Variants in CFAP58 observed in about 807,000 individuals in gnomAD.
CFAP58 encodes cilia- and flagella-associated protein 58.
CFAP58 carries 88 observed loss-of-function variants against 119.5 expected under a neutral mutation model. The ratio of observed to expected loss-of-function variants is 0.74; its 90% CI spans 0.62 to 0.88. The LOEUF is 0.88. CFAP58 is among the 40% of genes least tolerant of loss of function. CFAP58 has a pLI of 0.00. For missense variants in CFAP58, 990 were observed against 1,021.2 expected (o/e 0.97, Z 0.42); for synonymous variants, 365 against 366.3 (o/e 1.00, Z 0.04).
Position 104,364,827 on chromosome 10 carries a change from A to G in CFAP58, c.535A>G (p.Thr179Ala), listed in dbSNP as rs938623383. Reference protein sequence around the residue: ...VVKLRESLAQTTEQQQETERS... With the variant: ...VVKLRESLAQATEQQQETERS... ...AAAATTACGAGAATCCCTAGCTCAG[A>G]CCACTGAACAGCAGCAGGAAACAGA... is the stretch of plus-strand genomic sequence containing the variant. Residue 179 changes from threonine (T) to alanine (A), a missense_variant, in exon 4 of 18, where the codon ACC becomes GCC. By Grantham distance (58) the Thr-to-Ala change is moderately conservative. Transcript: ENST00000369704. 1.2e-6 allele frequency: 2 copies of G among 1,612,638 alleles called. No homozygotes were observed. The highest frequency in any genetic ancestry group is 2.7e-5 in the African/African-American group (2 of 74,746).
At chr10:104,418,676 A>G (rs2012593919) in intron 15 of CFAP58, among the ~76,000 whole-genome samples, 1 of 152,100 alleles carries the variant, frequency 6.6e-6, no homozygotes, top group Non-Finnish European at 1.5e-5. Context: ...TTGTTCCCCC[A>G]CTTCAGATAC....
intron 15 of CFAP58, among the ~76,000 whole-genome samples, chr10:104,440,830 A>C (rs936081449): frequency 6.6e-6 from 1 of 152,144 alleles, no homozygotes; most frequent in Admixed American, 6.5e-5. Flanking sequence ...ATGCATCTGA[A>C]ATATTTCCCT....
intron 15 of CFAP58, among the ~76,000 whole-genome samples, chr10:104,414,975 C>A (rs1187367656): frequency 2.0e-5 from 3 of 152,210 alleles, no homozygotes; most frequent in Non-Finnish European, 4.4e-5. Flanking sequence ...CGTGAATGGG[C>A]AGCAGGAATA....
chr10:104,417,550 G>A (rs2012573649), intron 15 of CFAP58, among the ~76,000 whole-genome samples: 2 of 152,290 alleles, frequency 1.3e-5, no homozygotes, highest in South Asian at 2.1e-4. Context: ...ATTGACATTC[G>A]TATGAAAGTC....
Position 104,451,849 on chromosome 10 carries a change from C to T in CFAP58, c.2510+1645C>T, listed in dbSNP as rs60722053. Among the ~76,000 whole-genome samples the T allele has an allele frequency of 8.8e-3, 1,344 of 152,210 alleles. 25 individuals carry two copies. The highest frequency in any genetic ancestry group is 0.031 in the African/African-American group (1,284 of 41,526). On this transcript the variant is annotated intron_variant, in intron 17 of 17. Coordinates refer to ENST00000369704, the MANE Select transcript of CFAP58 (RefSeq NM_001008723.2). ...GTTGAAGCCATTCTCATGTCTCAGC[C>T]TCCCAAATAGCTGGGATGACAAGCA... is the stretch of plus-strand genomic sequence containing the variant.
Position 104,403,821 on chromosome 10 carries a change from A to C in CFAP58, c.2132A>C (p.His711Pro), listed in dbSNP as rs745913222. The change falls in exon 14 of 18, where the codon CAC becomes CCC. Residue 711 changes from histidine (H) to proline (P), a missense_variant. His to Pro is a moderately conservative substitution (Grantham distance 77, BLOSUM62 -2). Transcript: ENST00000369704. ...GAGCTGGAGAATCCCCTGAATGTGC[A>C]CAGATGGAGGAAGCTCGAGGTAACA... Reference protein sequence around the residue: ...EEELENPLNVHRWRKLEASDP... With the variant: ...EEELENPLNVPRWRKLEASDP... 4.3e-6 allele frequency: 7 copies of C among 1,610,668 alleles called. No individual in the cohort carries two copies. The highest frequency in any genetic ancestry group is 5.9e-6 in the Non-Finnish European group (7 of 1,178,136).
chr10:104,362,408 G>A (rs1260037703), intron 3 of CFAP58, among the ~76,000 whole-genome samples: 1 of 152,182 alleles, frequency 6.6e-6, no homozygotes, highest in East Asian at 1.9e-4. Flanking sequence ...GGAATCAGTA[G>A]TATAGTTTCA....
intron 9 of CFAP58, chr10:104,382,225 C>T (rs1420241887): frequency 5.6e-6 from 4 of 716,954 alleles, no homozygotes; most frequent in Non-Finnish European, 1.0e-5. Context: ...GGGAAGGGCA[C>T]AGATCCTACC....
intron 15 of CFAP58, among the ~76,000 whole-genome samples, chr10:104,430,075 A>G (rs1589933387): frequency 6.6e-6 from 1 of 152,316 alleles, no homozygotes; most frequent in East Asian, 1.9e-4. Context: ...TTTTGAAGTC[A>G]AGAATGTGAG....
chr10:104,345,519 G>A, the CFAP58 span, among the ~76,000 whole-genome samples: 1 of 152,046 alleles, frequency 6.6e-6, no homozygotes. Context: ...TAAGTTAATT[G>A]TATCTTGCAT....
intron 15 of CFAP58, among the ~76,000 whole-genome samples, chr10:104,436,027 C>G (rs1179006825): frequency 6.6e-6 from 1 of 152,144 alleles, no homozygotes; most frequent in Non-Finnish European, 1.5e-5. Context: ...AGTCACTGAT[C>G]ATGTAATTCC....
At chr10:104,358,171 G>C (rs2014619504) in intron 1 of CFAP58, among the ~76,000 whole-genome samples, 170 bp from the exon 2 acceptor site, 1 of 143,172 alleles carries the variant, frequency 7.0e-6, no homozygotes, top group Admixed American at 7.2e-5. Flanking sequence ...ATAAGCATCA[G>C]GGTCTGAACA....
At chr10:104,359,568 C>A (rs1325028903) in intron 2 of CFAP58, among the ~76,000 whole-genome samples, 1 of 152,068 alleles carries the variant, frequency 6.6e-6, no homozygotes, top group Non-Finnish European at 1.5e-5. Context: ...TCTGGGAGGC[C>A]GAGGTGGGTG....
chr10:104,419,332 A>T (rs1486911911), intron 15 of CFAP58, among the ~76,000 whole-genome samples: 1 of 152,130 alleles, frequency 6.6e-6, no homozygotes, highest in Non-Finnish European at 1.5e-5. Context: ...CACACTACTC[A>T]TGATCCTGTA....
intron 15 of CFAP58, among the ~76,000 whole-genome samples, chr10:104,433,648 A>G (rs1036809308): frequency 6.6e-6 from 1 of 152,166 alleles, no homozygotes; most frequent in African/African-American, 2.4e-5. Context: ...CCATGATGTC[A>G]TGATCCAGCT....
intron 8 of CFAP58, 92 bp from the exon 9 acceptor site, chr10:104,379,937 C>A: frequency 9.9e-7 from 1 of 1,012,724 alleles, no homozygotes; most frequent in Non-Finnish European, 1.5e-6. Context: ...GACAAGATAT[C>A]TAATTATGTT....
intron 15 of CFAP58, among the ~76,000 whole-genome samples, chr10:104,437,000 G>A (rs1055188306): frequency 2.0e-5 from 3 of 152,188 alleles, no homozygotes; most frequent in African/African-American, 4.8e-5. Flanking sequence ...TAGTGGTTAA[G>A]AGCAAGGAGA....
rs1157718842 is a variant in CFAP58, at chr10:104,393,590, C to T, written c.1674+115C>T. On this transcript the variant is annotated intron_variant, in intron 11 of 17. Transcript: ENST00000369704. ...GAGAACAACCACGCCTGCCTGTGGT[C>T]ACAGTTGCTAGTTACCCAAACCAAG... 7 of 992,028 alleles carry T rather than the reference C, an allele frequency of 7.1e-6. No individual in the cohort carries two copies. The African/African-American group carries it at 9.8e-5, about 14-fold the overall frequency. 61.5% of individuals were successfully genotyped at this position (992,028 alleles called of 1,614,324 possible).
intron 15 of CFAP58, among the ~76,000 whole-genome samples, chr10:104,413,563 C>G (rs2012494273): frequency 6.6e-6 from 1 of 152,146 alleles, no homozygotes; most frequent in African/African-American, 2.4e-5. Context: ...CTGGTGGCCT[C>G]TCCTTGCTGT....
Sources: allele counts gnomAD v4.1 joint callset (sites outside exome capture counted in the v4.1 genomes callset), GRCh38; gene constraint gnomAD v4.1.1; transcripts MANE v1.5; gene names NCBI Gene and HGNC (gene_info 2026-07-23, HGNC 2026-07-21).